The following LAMA1 variants were observed in gnomAD, a reference collection of about 807,000 sequenced individuals.
LAMA1 encodes laminin subunit alpha 1, also known as laminin subunit alpha-1.
LAMA1 carries 219 observed loss-of-function variants against 348.7 expected under a neutral mutation model. The ratio of observed to expected loss-of-function variants is 0.63; its 90% CI spans 0.56 to 0.70. LAMA1 has a LOEUF of 0.70. LAMA1 is among the 30% of genes least tolerant of loss of function. The pLI is 0.00. For missense variants in LAMA1, 3,744 were observed against 3,888.0 expected (o/e 0.96, Z 0.99); for synonymous variants, 1,487 against 1,491.0 (o/e 1.00, Z 0.06).
intron 3 of LAMA1, among the ~76,000 whole-genome samples, chr18:7,069,904 C>T (rs1170991712): frequency 2.0e-5 from 3 of 152,026 alleles, no homozygotes; most frequent in African/African-American, 4.8e-5. Context: ...TTTCCTAAAT[C>T]CTGACCCCAC....
rs146688298 is a variant in LAMA1, at chr18:7,052,151, G to A, written c.346-1215C>T. Among the ~76,000 whole-genome samples, 1,360 of 152,258 alleles carry A rather than the reference G, an allele frequency of 8.9e-3. 3 individuals are homozygous for A. Among genetic ancestry groups the A allele is most frequent in the Middle Eastern group, 0.017 (5 of 294 alleles). On this transcript the variant is annotated intron_variant, in intron 3 of 62. Coordinates refer to ENST00000389658, the MANE Select transcript of LAMA1 (RefSeq NM_005559.4). Reference sequence around the variant, plus strand: ...AAACCTCGAATGCATATTACTGGCCGGGTTCAGTGGTTCATGTCTGTAATC... The same window carrying A: ...AAACCTCGAATGCATATTACTGGCCAGGTTCAGTGGTTCATGTCTGTAATC...
At chr18:7,004,648 G>A (rs2057824236) in intron 29 of LAMA1, among the ~76,000 whole-genome samples, 2 of 152,116 alleles carry the variant, frequency 1.3e-5, no homozygotes, top group African/African-American at 2.4e-5. Flanking sequence ...CACTGCGCCC[G>A]GCCCCAATCA....
chr18:7,079,227 G>C (rs1880312221), intron 3 of LAMA1: 2 of 152,374 alleles, frequency 1.3e-5, no homozygotes, highest in Non-Finnish European at 2.9e-5. Context: ...TTTCTGAAAA[G>C]CTCAAAACAG....
chr18:7,010,198 A>C lies in LAMA1; in HGVS notation c.3873+2T>G. On this transcript the variant is annotated splice_donor_variant, in intron 26 of 62. Transcript: ENST00000389658. LOFTEE classifies it high-confidence loss of function. ...ACTTCTATGAAAAGATCCCATTATCACCTCTCTCATTGCTACTTCTTGTTC... is the reference window on the plus strand; with the variant it reads ...ACTTCTATGAAAAGATCCCATTATCCCCTCTCTCATTGCTACTTCTTGTTC... 6.2e-7 allele frequency: 1 copy of C among 1,613,812 alleles called. No individual in the cohort carries two copies. The highest frequency in any genetic ancestry group is 8.5e-7 in the Non-Finnish European group (1 of 1,179,870).
Position 7,080,491 on chromosome 18 carries a change from A to G in LAMA1, c.62-34T>C, listed in dbSNP as rs543055263. 4.3e-6 allele frequency: 7 copies of G among 1,609,694 alleles called. No individual in the cohort carries two copies. The East Asian group carries it at 1.6e-4, about 36-fold the overall frequency. ...GAAAATTTACCAAATCAGCTGAGCC[A>G]CTTGAAATCCAAAGAATGAGCTTAC... On this transcript the variant is annotated intron_variant, in intron 1 of 62. Coordinates refer to ENST00000389658, the MANE Select transcript of LAMA1 (RefSeq NM_005559.4).
chr18:6,993,206 T>C (rs1203952322), intron 35 of LAMA1, among the ~76,000 whole-genome samples: 1 of 152,174 alleles, frequency 6.6e-6, no homozygotes, highest in Non-Finnish European at 1.5e-5. Context: ...AGAGCGATCA[T>C]ATGTTTCTGG....
At chr18:6,964,845 C>G in intron 50 of LAMA1, 42 bp from the exon 51 acceptor site, 1 of 1,611,164 alleles carries the variant, frequency 6.2e-7, no homozygotes, top group Non-Finnish European at 8.5e-7. Context: ...AAGGAAAATC[C>G]CTTTCCATGT....
chr18:6,945,461 G>T (rs942470601), intron 61 of LAMA1, among the ~76,000 whole-genome samples: 1 of 152,134 alleles, frequency 6.6e-6, no homozygotes, highest in African/African-American at 2.4e-5. Context: ...GAAACAACCG[G>T]TAAGTCCTGG....
intron 36 of LAMA1, among the ~76,000 whole-genome samples, chr18:6,990,502 C>A (rs2057753916): frequency 1.3e-5 from 2 of 152,300 alleles, no homozygotes; most frequent in Non-Finnish European, 2.9e-5. Flanking sequence ...CCAGGGTGGG[C>A]AGGTCCTGGG....
Position 7,044,729 on chromosome 18 carries a change from T to C in LAMA1, c.969A>G (p.Thr323=). The C allele has an allele frequency of 6.2e-7, 1 of 1,613,090 alleles. No homozygotes were observed. The change falls in exon 7 of 63, where the codon ACA becomes ACG. Residue 323 remains threonine, a synonymous_variant. Coordinates refer to ENST00000389658, the MANE Select transcript of LAMA1 (RefSeq NM_005559.4). ...WRPGTVSSGN[T]CEACNCHNKA... is the part of the protein sequence containing the mutation. Reference sequence around the variant, plus strand: ...GATTCTAAGTATACTGACCTTCACATGTATTGCCGGAGGACACGGTTCCCG... The same window carrying C: ...GATTCTAAGTATACTGACCTTCACACGTATTGCCGGAGGACACGGTTCCCG...
intron 3 of LAMA1, among the ~76,000 whole-genome samples, chr18:7,062,463 T>G (rs1222041770): frequency 6.6e-6 from 1 of 152,142 alleles, no homozygotes; most frequent in African/African-American, 2.4e-5. Flanking sequence ...CAGATGTTTG[T>G]GCACCGTGGT....
At chr18:7,015,660 C>T (rs920590815) in intron 22 of LAMA1, 62 bp downstream of exon 22, 1 of 1,593,208 alleles carries the variant, frequency 6.3e-7, no homozygotes, top group Non-Finnish European at 8.6e-7. Context: ...GAAGAACAGG[C>T]CTGAAACTTG....
intron 3 of LAMA1, 55 bp from the exon 4 acceptor site, chr18:7,050,991 G>T: frequency 6.2e-7 from 1 of 1,601,326 alleles, no homozygotes; most frequent in Non-Finnish European, 8.5e-7. Flanking sequence ...GCCAGGCACA[G>T]AATGAGAGCT....
rs377477393 is a variant in LAMA1 at position 6,976,027 on chromosome 18, C to G, written c.6399G>C (p.Gln2133His). The G allele has an allele frequency of 1.9e-5, 31 of 1,614,062 alleles. No homozygotes were observed. Among genetic ancestry groups the G allele is most frequent in the Middle Eastern group, 3.3e-4 (2 of 6,084 alleles). The change falls in exon 45 of 63, where the codon CAG (glutamine) becomes CAC (histidine). Residue 2133 changes from glutamine to histidine, a missense_variant. By Grantham distance (24) the Gln-to-His change is conservative (BLOSUM62 0). Around this residue, in one of 3 missense-constraint regions of LAMA1, gnomAD observed 1,983 missense variants for 1,934.3 expected, o/e 1.03. Transcript: ENST00000389658. ...DRDCIRAYQP[Q>H]ISSTNYNTLT... ...AGGTATTGTAGTTGGTAGAGGAAAT[C>G]TGAGGCTGGTAGGCCCGGATGCAAT...
chr18:7,011,697 AACGTTCAATGATATGCAGAAG>A (rs1315961426), intron 24 of LAMA1, among the ~76,000 whole-genome samples: 8 of 152,234 alleles, frequency 5.3e-5, no homozygotes, highest in Non-Finnish European at 1.2e-4. Context: ...ACGCTGGGGA[AACGTTCAATGATATGCAGAAG>A]ACGGCTGAGA....
chr18:7,098,340 T>A (rs1329666044), intron 1 of LAMA1, among the ~76,000 whole-genome samples: 1 of 146,354 alleles, frequency 6.8e-6, no homozygotes, highest in African/African-American at 2.6e-5. Flanking sequence ...CCCCTCTGCC[T>A]GGCTGCCCAG....
At chr18:7,091,425 A>C (rs2143801989) in intron 1 of LAMA1, among the ~76,000 whole-genome samples, 1 of 152,324 alleles carries the variant, frequency 6.6e-6, no homozygotes, top group African/African-American at 2.4e-5. Flanking sequence ...TGCTTATATC[A>C]TTTATGACAC....
intron 1 of LAMA1, among the ~76,000 whole-genome samples, chr18:7,112,252 A>G (rs1568074056): frequency 6.6e-6 from 1 of 152,164 alleles, no homozygotes; most frequent in Non-Finnish European, 1.5e-5. Flanking sequence ...TGCAAGGTGA[A>G]AAGTTTGCAA....
intron 3 of LAMA1, among the ~76,000 whole-genome samples, chr18:7,067,545 G>C (rs992065520): frequency 1.3e-5 from 2 of 151,962 alleles, no homozygotes; most frequent in African/African-American, 4.8e-5. Context: ...AATTGGCTGG[G>C]AAGGGGGTGG....
Sources: gnomAD v4.1 joint callset for allele counts (sites outside exome capture counted in the v4.1 genomes callset) on GRCh38, gnomAD v4.1.1 for gene constraint, gnomAD v4.1.1 regional missense constraint, MANE v1.5 for transcripts, NCBI Gene and HGNC (gene_info 2026-07-23, HGNC 2026-07-21) for gene names.